Variants in RBMX observed in about 807,000 individuals in gnomAD.
RBMX encodes RNA binding motif protein X-linked.
In RBMX, 1 loss-of-function variant was observed where a neutral mutation model predicts 29.3. The observed-to-expected ratio is 0.03, with a 90% CI of 0.01 to 0.16. The LOEUF is 0.16. RBMX is among the 10% of genes least tolerant of loss of function. The pLI is 1.00. For missense variants in RBMX, 121 were observed against 333.2 expected (o/e 0.36, Z 4.96); for synonymous variants, 102 against 102.3 (o/e 1.00, Z 0.02).
chrX:136,871,051 T>C (rs1257245150), downstream of RBMX, among the ~76,000 whole-genome samples: 1 of 106,644 alleles, frequency 9.4e-6, no homozygotes, highest in Non-Finnish European at 1.9e-5. Context: ...GAAGCAGAGG[T>C]TGCAGTGAGC....
chrX:136,876,396 A>C (rs1329892719), intron 5 of RBMX, 107 bp downstream of exon 5: 12 of 886,283 alleles, frequency 1.4e-5, no homozygotes, highest in East Asian at 3.5e-5. Context: ...TGCTAGGATT[A>C]CGGGCGTGAG....
chrX:136,871,832 T>C (rs1261138316), downstream of RBMX, among the ~76,000 whole-genome samples: 33 of 99,085 alleles, frequency 3.3e-4, no homozygotes, highest in East Asian at 1.3e-3. Context: ...TTTTTTTTTT[T>C]CTAGTACAGA....
chrX:136,878,097 A>C lies in RBMX; in HGVS notation c.217-11T>G, dbSNP rs752871774. 6 of 1,150,062 alleles carry C rather than the reference A, an allele frequency of 5.2e-6. No individual in the cohort carries two copies. In the African/African-American group the frequency reaches 9.0e-5, roughly 17 times the overall value. The allele number at this position is 1,150,062 out of a possible 1,213,427, so 94.8% of individuals were successfully genotyped here. On this transcript the variant is annotated splice_polypyrimidine_tract_variant and intron_variant, in intron 3 of 8. Transcript: ENST00000320676. ...TTTTCCATCTAATGACTAAAAAAAA[A>C]GATACGATTAAATTAAATCAAGATT...
downstream of RBMX, chrX:136,872,450 C>T: frequency 1.5e-6 from 1 of 664,598 alleles, no homozygotes; most frequent in Admixed American, 2.9e-5. Flanking sequence ...CAAGTTCAGA[C>T]TTGCAGCTTA....
intron 5 of RBMX, 48 bp downstream of exon 5, chrX:136,876,455 T>G: frequency 9.0e-7 from 1 of 1,112,122 alleles, no homozygotes. Context: ...ACCTCTCAAT[T>G]CTTTGTGTTA....
chrX:136,874,798 C>T (rs2077711043), intron 8 of RBMX: 3 of 391,145 alleles, frequency 7.7e-6, no homozygotes, highest in Non-Finnish European at 1.2e-5. Flanking sequence ...AATATTTGAT[C>T]TTGTTAATAA....
At position 136,875,241 on chromosome X, in the gene RBMX, G is replaced by A. The variant is rs763044365; in HGVS notation, c.782+17C>T. 4.1e-6 allele frequency: 5 copies of A among 1,209,390 alleles called. No individual in the cohort carries two copies. Among genetic ancestry groups the A allele is most frequent in the Non-Finnish European group, 5.6e-6 (5 of 894,971 alleles). On this transcript the variant is annotated intron_variant, in intron 7 of 8. Transcript: ENST00000320676. The stretch of plus-strand genomic sequence containing the variant: ...CAACTTTTCTTACATGTAAGCCACA[G>A]AAGCAAAGTCACTTACCTATATCCT...
At chrX:136,880,428 G>C (rs769971221) in intron 1 of RBMX, among the ~76,000 whole-genome samples, 169 bp downstream of exon 1, 10 of 111,889 alleles carry the variant, frequency 8.9e-5, no homozygotes, top group African/African-American at 3.2e-4. Context: ...ACAACCAAAC[G>C]GGCCCCCTCA....
chrX:136,869,250 T>C (rs749247203), downstream of RBMX: 5 of 112,569 alleles, frequency 4.4e-5, no homozygotes, highest in South Asian at 1.8e-3. Context: ...TGAAAAGTGA[T>C]CTATAATACC....
chrX:136,872,215 A>C (rs946243184), downstream of RBMX: 9 of 946,760 alleles, frequency 9.5e-6, no homozygotes, highest in Admixed American at 2.5e-4. Context: ...GCTAAACTAA[A>C]TGGTAGTTAC....
chrX:136,873,101 C>G (rs2077694670), downstream of RBMX: 2 of 108,692 alleles, frequency 1.8e-5, no homozygotes, highest in Admixed American at 9.9e-5. Context: ...TTCTAATACG[C>G]TATTGAATAT....
At chrX:136,878,872 A>AT in intron 3 of RBMX, 145 bp downstream of exon 3, 1 of 692,549 alleles carries the variant, frequency 1.4e-6, no homozygotes, top group Non-Finnish European at 2.1e-6. Context: ...TTGGAACAGG[A>AT]TCACAAACAG....
intron 5 of RBMX, 142 bp from the exon 6 acceptor site, chrX:136,875,727 A>G (rs930657311): frequency 1.2e-6 from 1 of 864,784 alleles, no homozygotes; most frequent in African/African-American, 2.0e-5. Context: ...ATTTTCTACA[A>G]TTTCCCATTC....
intron 6 of RBMX, 35 bp downstream of exon 6, chrX:136,875,436 A>C (rs369852995): frequency 5.0e-6 from 6 of 1,206,573 alleles, no homozygotes; most frequent in Non-Finnish European, 4.5e-6. Context: ...CTTCAACCTT[A>C]ATTATTAATT....
At chrX:136,877,021 GT>G (rs2077737748) in intron 4 of RBMX, among the ~76,000 whole-genome samples, 1 of 107,258 alleles carries the variant, frequency 9.3e-6, no homozygotes, top group South Asian at 4.5e-4. Context: ...CACTATAAAA[GT>G]TTTCTTTGCT....
At chrX:136,879,651 A>G (rs1281413366) in intron 1 of RBMX, among the ~76,000 whole-genome samples, 198 bp from the exon 2 acceptor site, 1 of 112,044 alleles carries the variant, frequency 8.9e-6, no homozygotes, top group Non-Finnish European at 1.9e-5. Context: ...AATTTACATA[A>G]AACTGGTTAA....
Position 136,877,904 on chromosome X carries a change from CA to C in RBMX, c.388+10del, listed in dbSNP as rs1351112349. ...TTATACACCAAACCCGAGGTCCACG[CA>C]AGTTATTACCCATGTGTCCTCCCCG... On this transcript the variant is annotated intron_variant, in intron 4 of 8. Transcript: ENST00000320676. 8.6e-7 allele frequency: 1 copy of C among 1,162,962 alleles called. No homozygotes were observed. Among genetic ancestry groups the C allele is most frequent in the African/African-American group, 1.8e-5 (1 of 55,722 alleles).
intron 4 of RBMX, among the ~76,000 whole-genome samples, chrX:136,877,307 G>T (rs1373578946): frequency 1.1e-5 from 1 of 93,898 alleles, no homozygotes; most frequent in Non-Finnish European, 2.1e-5. Context: ...ACTTCAGCCT[G>T]GGCAACAAGT....
chrX:136,869,874 AAAC>A (rs770255894), downstream of RBMX: 15 of 112,370 alleles, frequency 1.3e-4, no homozygotes, highest in Admixed American at 1.1e-3. Context: ...TAGGCTTATA[AAAC>A]AATACAGCAA....
Sources: gnomAD v4.1 joint callset for allele counts (sites outside exome capture counted in the v4.1 genomes callset) on GRCh38, gnomAD v4.1.1 for gene constraint, MANE v1.5 for transcripts, NCBI Gene and HGNC (gene_info 2026-07-23, HGNC 2026-07-21) for gene names.